VEGFC: variants seen among roughly 807,000 people sequenced by gnomAD.
VEGFC encodes vascular endothelial growth factor C, also known as FLT4 ligand DHM.
In VEGFC, 12 loss-of-function variants were observed where a neutral mutation model predicts 46.1. That is an observed-to-expected ratio of 0.26 (90% confidence interval 0.17 to 0.42). VEGFC has a LOEUF of 0.42. Among genes scored for constraint, VEGFC ranks in the 10% least tolerant of loss-of-function variants. The probability of loss-of-function intolerance (pLI) is 1.00; values close to 1 mark genes in which losing one functional copy is unlikely to be tolerated. For synonymous variants in VEGFC, 232 were observed against 195.5 expected, an observed-to-expected ratio of 1.19 and a Z score of -1.56; for missense variants, 488 against 529.4, an observed-to-expected ratio of 0.92 and a Z score of 0.77.
At position 176,719,118 on chromosome 4, in the gene VEGFC, C is replaced by T. The variant is rs568040086; in HGVS notation, c.553-7468G>A. Among the ~76,000 whole-genome samples the T allele has an allele frequency of 3.3e-5, 5 of 152,220 alleles. No homozygotes were observed. In the East Asian group the frequency reaches 9.7e-4, roughly 29 times the overall value. On this transcript the variant is annotated intron_variant, in intron 3 of 6. Coordinates refer to ENST00000618562, the MANE Select transcript of VEGFC (RefSeq NM_005429.5). ...TTACTTTTCAATGAACAGCTGGCTT[C>T]CTCACACGCCCTGATAACCTCCCCT...
rs147569264 is a variant in VEGFC at position 176,786,768 on chromosome 4, G to C, written c.147+5397C>G. Among the ~76,000 whole-genome samples the C allele has an allele frequency of 5.0e-3, 761 of 152,302 alleles. 2 individuals are homozygous for C. Among genetic ancestry groups the C allele is most frequent in the Non-Finnish European group, 7.2e-3 (490 of 68,028 alleles). On this transcript the variant is annotated intron_variant, in intron 1 of 6. Transcript: ENST00000618562. ...TTAACATGAGTTGAAGTAGATTAAA[G>C]AGCAAATAAACCTGGTACTAATGGG...
At chr4:176,708,784 G>A (rs1294387576) in intron 4 of VEGFC, among the ~76,000 whole-genome samples, 1 of 152,112 alleles carries the variant, frequency 6.6e-6, no homozygotes, top group African/African-American at 2.4e-5. Context: ...AAAAACACAT[G>A]GGTGAGGAAA....
intron 1 of VEGFC, among the ~76,000 whole-genome samples, chr4:176,761,981 T>A (rs1735538514): frequency 6.6e-6 from 1 of 152,162 alleles, no homozygotes. Context: ...CAGTTTTCTT[T>A]AGAATGCATT....
intron 1 of VEGFC, among the ~76,000 whole-genome samples, chr4:176,784,466 G>C (rs1020142606): frequency 6.6e-6 from 1 of 151,992 alleles, no homozygotes; most frequent in African/African-American, 2.4e-5. Flanking sequence ...AAAGTAACTA[G>C]GCTGGGCGTG....
At chr4:176,709,842 G>A (rs1399076207) in intron 4 of VEGFC, among the ~76,000 whole-genome samples, 1 of 152,154 alleles carries the variant, frequency 6.6e-6, no homozygotes, top group Non-Finnish European at 1.5e-5. Flanking sequence ...AAGACTTGAT[G>A]CTTGAAAACT....
intron 1 of VEGFC, among the ~76,000 whole-genome samples, chr4:176,774,986 C>T (rs1418671379): frequency 6.6e-6 from 1 of 152,152 alleles, no homozygotes; most frequent in Non-Finnish European, 1.5e-5. Flanking sequence ...GATGTGAACA[C>T]CTCATATGGT....
At chr4:176,699,037 T>C (rs1231125281) in intron 4 of VEGFC, among the ~76,000 whole-genome samples, 2 of 152,188 alleles carry the variant, frequency 1.3e-5, no homozygotes, top group Admixed American at 6.5e-5. Flanking sequence ...CTGTAGCACA[T>C]GATGATTTTC....
At chr4:176,699,278 T>C (rs188397731) in intron 4 of VEGFC, among the ~76,000 whole-genome samples, 37 of 152,322 alleles carry the variant, frequency 2.4e-4, no homozygotes, top group Non-Finnish European at 4.6e-4. Flanking sequence ...TCAAGGCAGG[T>C]ACCACAAGCT....
At chr4:176,684,517 C>T (rs967270708) in intron 6 of VEGFC, among the ~76,000 whole-genome samples, 1 of 152,154 alleles carries the variant, frequency 6.6e-6, no homozygotes, top group Non-Finnish European at 1.5e-5. Context: ...TGTGTCTCTA[C>T]TTGGCAGCTG....
At chr4:176,706,768 C>T (rs1734543534) in intron 4 of VEGFC, among the ~76,000 whole-genome samples, 1 of 151,072 alleles carries the variant, frequency 6.6e-6, no homozygotes, top group East Asian at 1.9e-4. Flanking sequence ...CATACAATAA[C>T]ATGCTCCTAT....
intron 1 of VEGFC, among the ~76,000 whole-genome samples, chr4:176,777,006 A>C (rs917516004): frequency 6.6e-6 from 1 of 152,176 alleles, no homozygotes; most frequent in Non-Finnish European, 1.5e-5. Flanking sequence ...GAGATGTTTT[A>C]ACTTCACTGA....
In VEGFC at chr4:176,727,978, CAT is replaced by C; in HGVS notation, c.362-12_362-11del. The C allele has an allele frequency of 1.3e-6, 2 of 1,574,450 alleles. No individual in the cohort carries two copies. The highest frequency in any genetic ancestry group is 1.7e-6 in the Non-Finnish European group (2 of 1,156,326). On this transcript the variant is annotated splice_polypyrimidine_tract_variant and intron_variant, in intron 2 of 6. Transcript: ENST00000618562. ...CACTCATTATCAATACCTGTCAAGT[CAT>C]AGGGAAATCAGTAAGTTTTACGGAA...
At chr4:176,742,408 G>GT (rs1735191489) in intron 1 of VEGFC, among the ~76,000 whole-genome samples, 1 of 151,910 alleles carries the variant, frequency 6.6e-6, no homozygotes, top group South Asian at 2.1e-4. Flanking sequence ...GCAGATGTCT[G>GT]TTTGACAGGA....
At chr4:176,735,060 T>G (rs566233751) in intron 1 of VEGFC, among the ~76,000 whole-genome samples, 23 of 151,798 alleles carry the variant, frequency 1.5e-4, no homozygotes, top group Non-Finnish European at 2.9e-4. Flanking sequence ...AAGGGTCTAT[T>G]TCAAGCCACC....
intron 1 of VEGFC, among the ~76,000 whole-genome samples, chr4:176,758,836 C>T (rs1735479442): frequency 1.3e-5 from 2 of 152,208 alleles, no homozygotes; most frequent in Admixed American, 6.5e-5. Context: ...CTTTCCTGTA[C>T]TCATACCATC....
At chr4:176,778,722 A>G (rs1445397990) in intron 1 of VEGFC, among the ~76,000 whole-genome samples, 1 of 152,202 alleles carries the variant, frequency 6.6e-6, no homozygotes, top group African/African-American at 2.4e-5. Context: ...TTTGATGACT[A>G]AACATGGCCC....
chr4:176,690,545 G>T (rs370786678), intron 4 of VEGFC, among the ~76,000 whole-genome samples: 1 of 151,790 alleles, frequency 6.6e-6, no homozygotes, highest in African/African-American at 2.4e-5. Context: ...GCGCATTTTT[G>T]TCATTATTTT....
chr4:176,708,724 T>G (rs929675633), intron 4 of VEGFC, among the ~76,000 whole-genome samples: 5 of 152,158 alleles, frequency 3.3e-5, no homozygotes, highest in Admixed American at 2.6e-4. Context: ...CATCCTGGTT[T>G]GGAATATAAA....
chr4:176,740,486 G>C (rs1579116467), intron 1 of VEGFC, among the ~76,000 whole-genome samples: 1 of 103,338 alleles, frequency 9.7e-6, no homozygotes, highest in Non-Finnish European at 2.0e-5. Context: ...TCTATATATA[G>C]AGAGTATATA....
Sources: allele counts gnomAD v4.1 joint callset (sites outside exome capture counted in the v4.1 genomes callset), GRCh38; gene constraint gnomAD v4.1.1; transcripts MANE v1.5; gene names NCBI Gene and HGNC (gene_info 2026-07-23, HGNC 2026-07-21).